SPRTN: variants seen among roughly 807,000 people sequenced by gnomAD.
The protein encoded by SPRTN is SprT-like N-terminal domain.
In SPRTN, 11 loss-of-function variants were observed where a neutral mutation model predicts 31.9. The observed-to-expected ratio is 0.34, with a 90% confidence interval of 0.22 to 0.57. The LOEUF (loss-of-function observed/expected upper bound fraction) is 0.57, where lower values mean the gene tolerates loss of function less well. SPRTN is among the 20% of genes least tolerant of loss of function. SPRTN has a pLI of 0.86. For missense variants in SPRTN, 482 were observed against 590.1 expected (o/e 0.82, Z 1.90); for synonymous variants, 185 against 212.1 (o/e 0.87, Z 1.11).
chr1:231,343,182 C>A (rs1489682175), intron 2 of SPRTN, among the ~76,000 whole-genome samples: 1 of 151,944 alleles, frequency 6.6e-6, no homozygotes, highest in Non-Finnish European at 1.5e-5. Flanking sequence ...TACTCTATAG[C>A]CTAGGTATAT....
chr1:231,340,292 A>G (rs1208858453), intron 2 of SPRTN, among the ~76,000 whole-genome samples: 4 of 152,046 alleles, frequency 2.6e-5, no homozygotes, highest in Non-Finnish European at 4.4e-5. Context: ...GCATGAACTG[A>G]GGAGGCGGAG....
chr1:231,345,908 C>T (rs559195918), intron 2 of SPRTN, among the ~76,000 whole-genome samples: 6 of 151,922 alleles, frequency 3.9e-5, no homozygotes, highest in Non-Finnish European at 8.8e-5. Flanking sequence ...GAATTCATGG[C>T]CTCAAGTGAT....
Position 231,354,918 on chromosome 1 carries a change from C to T in SPRTN, c.*1557C>T. The stretch of plus-strand genomic sequence containing the variant: ...ATGAGAGTTTTAGTTGTTCACCATT[C>T]ATAACACTGTTAGCAGCCCTTTTCG... On this transcript the variant is annotated 3_prime_UTR_variant, in exon 5 of 5. Coordinates refer to ENST00000295050, the MANE Select transcript of SPRTN (RefSeq NM_032018.7). 2 of 778,670 alleles carry T rather than the reference C, an allele frequency of 2.6e-6. No individual in the cohort carries two copies. The highest frequency in any genetic ancestry group is 3.1e-6 in the Non-Finnish European group (2 of 641,748). 48.2% of individuals were successfully genotyped at this position (778,670 alleles called of 1,614,324 possible).
chr1:231,340,014 T>C (rs1183138755), intron 2 of SPRTN, 146 bp downstream of exon 2: 2 of 607,726 alleles, frequency 3.3e-6, no homozygotes, highest in African/African-American at 2.0e-5. Context: ...CAAACAATAA[T>C]GAACACCTTA....
At chr1:231,350,712 C>T (rs535923406) in intron 3 of SPRTN, among the ~76,000 whole-genome samples, 33 of 152,082 alleles carry the variant, frequency 2.2e-4, no homozygotes, top group African/African-American at 7.7e-4. Context: ...TATTTATAAA[C>T]AGATAAAATG....
chr1:231,345,646 A>G (rs1343519046), intron 2 of SPRTN, among the ~76,000 whole-genome samples: 1 of 152,242 alleles, frequency 6.6e-6, no homozygotes, highest in Non-Finnish European at 1.5e-5. Context: ...CAGAAGACAA[A>G]TGCATTTGTA....
intron 2 of SPRTN, among the ~76,000 whole-genome samples, chr1:231,342,802 T>TCACTGCAAGCTCCGCCTCC (rs1686936943): frequency 1.3e-5 from 2 of 151,792 alleles, no homozygotes; most frequent in South Asian, 4.2e-4. Flanking sequence ...GTGGCGCATC[T>TCACTGCAAGCTCCGCCTCC]CCACTCACTG....
rs529811698 is a variant in SPRTN, at chr1:231,338,622, C to T, written c.221+18C>T. On this transcript the variant is annotated intron_variant, in intron 1 of 4. Transcript: ENST00000295050. ...ATGACCCTGTGAGTTCCGAGCCCCG[C>T]TGGGGAAAGAGGCGGGACTGGCAGC... 5 of 1,613,320 alleles carry T rather than the reference C, an allele frequency of 3.1e-6. No homozygotes were observed. In the South Asian group the frequency reaches 5.5e-5, roughly 18 times the overall value.
Position 231,343,737 on chromosome 1 carries a change from C to T in SPRTN, c.321+3869C>T, listed in dbSNP as rs934449035. On this transcript the variant is annotated intron_variant, in intron 2 of 4. Coordinates refer to ENST00000295050, the MANE Select transcript of SPRTN (RefSeq NM_032018.7). ...TGGGTTTAGGTTCCAGTTTCCCTGA[C>T]TCTAAGGCTCTTGTTCTGTCCCCTT... Among the ~76,000 whole-genome samples, 4 of 152,060 alleles carry T rather than the reference C, an allele frequency of 2.6e-5. No individual in the cohort carries two copies. The South Asian group carries it at 8.3e-4, about 31-fold the overall frequency.
At chr1:231,340,027 T>C in intron 2 of SPRTN, 159 bp downstream of exon 2, 1 of 595,984 alleles carries the variant, frequency 1.7e-6, no homozygotes, top group South Asian at 2.1e-5. Flanking sequence ...ACACCTTATG[T>C]TTTTTATAGT....
chr1:231,353,840 A>G lies in SPRTN; in HGVS notation c.*479A>G, dbSNP rs138983942. On this transcript the variant is annotated 3_prime_UTR_variant, in exon 5 of 5. Coordinates refer to ENST00000295050, the MANE Select transcript of SPRTN (RefSeq NM_032018.7). Reference sequence around the variant, plus strand: ...ACTACAAAGTATATTGTTTTAGAGTACTCAAATTGTATTATTTATTAATTT... The same window carrying G: ...ACTACAAAGTATATTGTTTTAGAGTGCTCAAATTGTATTATTTATTAATTT... 7.9e-4 allele frequency: 751 copies of G among 955,464 alleles called. 5 individuals carry two copies. The African/African-American group carries it at 0.013, about 16-fold the overall frequency. 59.2% of individuals were successfully genotyped at this position (955,464 alleles called of 1,614,324 possible).
At position 231,352,822 on chromosome 1, in the gene SPRTN, A is replaced by G; in HGVS notation, c.931A>G (p.Lys311Glu). The G allele has an allele frequency of 6.2e-7, 1 of 1,613,804 alleles. No homozygotes were observed. Among genetic ancestry groups the G allele is most frequent in the Non-Finnish European group, 8.5e-7 (1 of 1,179,898 alleles). ...KVKFEQNGSS[K>E]NSHLVSPAVS... ...GAAATTTGAACAGAATGGTTCAAGT[A>G]AAAATTCTCATCTGGTCTCCCCTGC... The change falls in exon 5 of 5, where the codon AAA (lysine) becomes GAA (glutamate). Residue 311 changes from lysine to glutamate, a missense_variant. Physicochemically the swap from Lys to Glu is moderately conservative, Grantham distance 56. This residue lies in a region of SPRTN where 325 missense variants were observed against 350.2 expected (regional missense o/e 0.93). Coordinates refer to ENST00000295050, the MANE Select transcript of SPRTN (RefSeq NM_032018.7).
chr1:231,340,070 A>G, intron 2 of SPRTN: 1 of 460,284 alleles, frequency 2.2e-6, no homozygotes, highest in Non-Finnish European at 3.8e-6. Flanking sequence ...AACAAAAAAA[A>G]GGCTTCTAGG....
At chr1:231,351,829 C>G in intron 4 of SPRTN, 1 of 1,093,778 alleles carries the variant, frequency 9.1e-7, no homozygotes, top group Non-Finnish European at 1.1e-6. Flanking sequence ...TTTTCAGTTT[C>G]TTTTTATTCA....
intron 4 of SPRTN, 33 bp from the exon 5 acceptor site, chr1:231,352,577 C>T: frequency 6.5e-7 from 1 of 1,532,324 alleles, no homozygotes; most frequent in Non-Finnish European, 8.7e-7. Context: ...AGTTGAGGCA[C>T]TTACATAACA....
At chr1:231,349,813 C>A (rs1424928518) in intron 3 of SPRTN, among the ~76,000 whole-genome samples, 4 of 152,140 alleles carry the variant, frequency 2.6e-5, no homozygotes, top group Non-Finnish European at 5.9e-5. Flanking sequence ...TGTTTGAGAT[C>A]AGCCTGGGCA....
Position 231,354,272 on chromosome 1 carries a change from T to C in SPRTN, c.*911T>C. 2 of 977,080 alleles carry C rather than the reference T, an allele frequency of 2.0e-6. No homozygotes were observed. Among genetic ancestry groups the C allele is most frequent in the Non-Finnish European group, 2.4e-6 (2 of 822,262 alleles). The allele number at this position is 977,080 out of a possible 1,614,324, so 60.5% of individuals were successfully genotyped here. ...TAAGTAATCTTTTTTAAAAAAAATA[T>C]TTTCCATGTTATAGGGAAAGGACAA... On this transcript the variant is annotated 3_prime_UTR_variant, in exon 5 of 5. Transcript: ENST00000295050.
At chr1:231,342,717 A>G (rs890969421) in intron 2 of SPRTN, among the ~76,000 whole-genome samples, 3 of 145,608 alleles carry the variant, frequency 2.1e-5, no homozygotes, top group Non-Finnish European at 3.0e-5. Flanking sequence ...ATGAGCCACC[A>G]TGCCCGGCCA....
chr1:231,340,004 C>G (rs1686820907), intron 2 of SPRTN, 136 bp downstream of exon 2: 1 of 604,304 alleles, frequency 1.7e-6, no homozygotes, highest in East Asian at 3.0e-5. Context: ...AATTATGGGG[C>G]AAACAATAAT....
Sources: gnomAD v4.1 joint callset for allele counts (sites outside exome capture counted in the v4.1 genomes callset) on GRCh38, gnomAD v4.1.1 for gene constraint, gnomAD v4.1.1 regional missense constraint, MANE v1.5 for transcripts, NCBI Gene and HGNC (gene_info 2026-07-23, HGNC 2026-07-21) for gene names.